PRSS3: variants seen among roughly 807,000 people sequenced by gnomAD.
The protein encoded by PRSS3 is trypsin-3.
PRSS3 carries 14 observed loss-of-function variants against 20.8 expected under a neutral mutation model. The ratio of observed to expected loss-of-function variants is 0.67; its 90% CI spans 0.44 to 1.05. The LOEUF is 1.05. PRSS3 is among the 50% of genes least tolerant of loss of function. The pLI is 0.00. For synonymous variants in PRSS3, 91 were observed against 117.6 expected (o/e 0.77, Z 1.46); for missense variants, 237 against 306.4 (o/e 0.77, Z 1.69).
chr9:33,771,752 G>A (rs1587380258), intron 1 of PRSS3, among the ~76,000 whole-genome samples: 1 of 150,010 alleles, frequency 6.7e-6, no homozygotes, highest in Non-Finnish European at 1.5e-5. Flanking sequence ...GGGACTACAG[G>A]CATGCACCAC....
At chr9:33,771,315 CTT>C (rs540273522) in intron 1 of PRSS3, among the ~76,000 whole-genome samples, 6 of 143,712 alleles carry the variant, frequency 4.2e-5, no homozygotes, top group African/African-American at 5.1e-5. Flanking sequence ...GTTTCTTTTC[CTT>C]TTTTTTTTTT....
chr9:33,751,765 G>T (rs533777460), intron 1 of PRSS3, among the ~76,000 whole-genome samples: 19 of 152,282 alleles, frequency 1.2e-4, no homozygotes, highest in African/African-American at 4.6e-4. Context: ...TTTTTAACCA[G>T]ATGTGTTATA....
At chr9:33,754,704 G>A (rs953996466) in intron 1 of PRSS3, among the ~76,000 whole-genome samples, 1 of 152,078 alleles carries the variant, frequency 6.6e-6, no homozygotes, top group Non-Finnish European at 1.5e-5. Flanking sequence ...GCTAGCAGGT[G>A]CCTATAGTCC....
At chr9:33,781,497 A>G (rs756084365) in intron 1 of PRSS3, among the ~76,000 whole-genome samples, 8 of 152,314 alleles carry the variant, frequency 5.3e-5, no homozygotes, top group Non-Finnish European at 1.2e-4. Flanking sequence ...GAACATAAAC[A>G]TGGGAATGAT....
rs538948199 is a variant in PRSS3 at position 33,774,871 on chromosome 9, A to G, written c.-52-19875A>G. Among the ~76,000 whole-genome samples the G allele has an allele frequency of 2.4e-4, 36 of 152,196 alleles. 1 individual carries two copies. The South Asian group carries it at 7.1e-3, about 30-fold the overall frequency. ...CATGGTGGCGCACGCCTGTAATCCC[A>G]GCTACTTGGAAGGCTGAGGCAGGAG... On this transcript the variant is annotated intron_variant, in intron 1 of 5. Coordinates refer to the PRSS3 transcript ENST00000342836.
chr9:33,772,403 T>C (rs1183650467), intron 1 of PRSS3, among the ~76,000 whole-genome samples: 2 of 152,128 alleles, frequency 1.3e-5, no homozygotes, highest in Non-Finnish European at 2.9e-5. Flanking sequence ...GCAGTGTCCC[T>C]GGTCTCCACT....
rs187114110 is a variant in PRSS3 at position 33,752,734 on chromosome 9, G to A, written c.-53+2007G>A. Among the ~76,000 whole-genome samples the A allele has an allele frequency of 4.4e-3, 677 of 152,244 alleles. 3 individuals are homozygous for A. Among genetic ancestry groups the A allele is most frequent in the Non-Finnish European group, 6.0e-3 (407 of 68,018 alleles). The stretch of plus-strand genomic sequence containing the variant: ...ACAAAGAGACTATCTGAATTTTAGC[G>A]AATTTTATCTCTCTTTTCTGTTCTC... On this transcript the variant is annotated intron_variant, in intron 1 of 5. Coordinates refer to the PRSS3 transcript ENST00000342836.
chr9:33,789,493 A>C (rs972806104), intron 1 of PRSS3, among the ~76,000 whole-genome samples: 7 of 152,194 alleles, frequency 4.6e-5, no homozygotes. Context: ...TTCTAGGATT[A>C]GTTTTCTAGC....
chr9:33,797,715 C>G (rs1176807281), intron 2 of PRSS3, 114 bp from the exon 3 acceptor site: 8 of 1,378,514 alleles, frequency 5.8e-6, no homozygotes, highest in Non-Finnish European at 7.9e-6. Context: ...CCACACACCC[C>G]ACCCCATGCC....
upstream of PRSS3, chr9:33,794,939 T>G (rs1824834759): frequency 2.6e-6 from 4 of 1,535,062 alleles, no homozygotes; most frequent in Middle Eastern, 1.7e-4. Context: ...TAAGCCTTGG[T>G]AGGAAGGAGA....
chr9:33,786,829 C>A, intron 1 of PRSS3: 2 of 743,484 alleles, frequency 2.7e-6, no homozygotes, highest in South Asian at 2.8e-5. Flanking sequence ...GCGTTGAAGA[C>A]ACAGTGCAGG....
intron 1 of PRSS3, among the ~76,000 whole-genome samples, chr9:33,755,623 G>A (rs897048830): frequency 2.0e-5 from 3 of 151,996 alleles, no homozygotes; most frequent in Non-Finnish European, 2.9e-5. Flanking sequence ...CCCAACTAAG[G>A]CACATGACAC....
At chr9:33,796,509 G>A in intron 1 of PRSS3, 134 bp from the exon 2 acceptor site, 1 of 1,336,530 alleles carries the variant, frequency 7.5e-7, no homozygotes, top group South Asian at 1.3e-5. Flanking sequence ...CACCAGGGGT[G>A]GCAGCGCTCC....
intron 1 of PRSS3, among the ~76,000 whole-genome samples, chr9:33,785,741 G>C (rs1237777159): frequency 6.6e-6 from 1 of 152,186 alleles, no homozygotes; most frequent in Non-Finnish European, 1.5e-5. Context: ...CCGTTTGTTG[G>C]GAGAGGGGAA....
chr9:33,798,353 C>G, intron 3 of PRSS3, 133 bp from the exon 4 acceptor site: 2 of 1,423,348 alleles, frequency 1.4e-6, no homozygotes, highest in Non-Finnish European at 9.8e-7. Flanking sequence ...GCCAGAGTCC[C>G]TTGCCAGAAC....
At chr9:33,765,549 A>C (rs1391808448) in intron 1 of PRSS3, among the ~76,000 whole-genome samples, 2 of 152,200 alleles carry the variant, frequency 1.3e-5, no homozygotes, top group African/African-American at 4.8e-5. Flanking sequence ...AGGTAAAACA[A>C]GGGTTATGTG....
chr9:33,771,754 A>C (rs1587380265), intron 1 of PRSS3, among the ~76,000 whole-genome samples: 1 of 147,382 alleles, frequency 6.8e-6, no homozygotes, highest in Non-Finnish European at 1.5e-5. Flanking sequence ...GACTACAGGC[A>C]TGCACCACCA....
chr9:33,750,822 G>C lies in PRSS3; in HGVS notation c.-53+95G>C. The C allele has an allele frequency of 7.2e-7, 1 of 1,397,938 alleles. No individual in the cohort carries two copies. The highest frequency in any genetic ancestry group is 2.9e-5 in the East Asian group (1 of 34,562). 86.6% of individuals were successfully genotyped at this position (1,397,938 alleles called of 1,614,324 possible). ...GGAGCGGGGCTGTGATGGAGAGGGG[G>C]TTCCGACTCGCATGGGACCTGCGGG... is the stretch of plus-strand genomic sequence containing the variant. On this transcript the variant is annotated intron_variant, in intron 1 of 5. Transcript: ENST00000342836. This position sits in a 1 kb window ranked among gnomAD's most constrained non-coding sequence, Gnocchi z 4.8.
intron 1 of PRSS3, among the ~76,000 whole-genome samples, chr9:33,787,480 T>C (rs1026908040): frequency 2.2e-4 from 33 of 152,230 alleles, no homozygotes; most frequent in Non-Finnish European, 2.1e-4. Flanking sequence ...CCTTAGATCA[T>C]CTACCACAGA....
Sources: gnomAD v4.1 joint callset for allele counts (sites outside exome capture counted in the v4.1 genomes callset) on GRCh38, gnomAD v4.1.1 for gene constraint, Gnocchi (gnomAD v3.1) non-coding constraint, MANE v1.5 for transcripts, NCBI Gene and HGNC (gene_info 2026-07-23, HGNC 2026-07-21) for gene names.